Variants in C3orf85 observed in about 807,000 individuals in gnomAD.
The protein encoded by C3orf85 is uncharacterized protein C3orf85.
Under a neutral mutation model 1.7 loss-of-function variants are expected in C3orf85, and 1 was observed. The observed-to-expected ratio is 0.60, with a 90% CI of 0.21 to 2.86. The LOEUF (loss-of-function observed/expected upper bound fraction) is 2.86. Ranked by LOEUF, C3orf85 falls within the 30% of genes most tolerant of loss-of-function variation. The pLI is 0.22. For synonymous variants in C3orf85, 17 were observed against 8.0 expected, an observed-to-expected ratio of 2.13 and a Z score of -1.90; for missense variants, 29 against 21.3, an observed-to-expected ratio of 1.36 and a Z score of -0.72.
At chr3:109,144,391 A>C (rs1036269234) in intron 2 of C3orf85, among the ~76,000 whole-genome samples, 1 of 152,128 alleles carries the variant, frequency 6.6e-6, no homozygotes, top group African/African-American at 2.4e-5. Context: ...CAATTTTCTC[A>C]ATTTGTAAAG....
chr3:109,137,616 T>A, intron 2 of C3orf85, among the ~76,000 whole-genome samples: 1 of 95,986 alleles, frequency 1.0e-5, no homozygotes, highest in African/African-American at 3.5e-5. Context: ...GATAGATGTA[T>A]ATATGTGTGT....
At chr3:109,140,754 G>A (rs1706736214) in intron 2 of C3orf85, among the ~76,000 whole-genome samples, 1 of 152,192 alleles carries the variant, frequency 6.6e-6, no homozygotes, top group Non-Finnish European at 1.5e-5. Flanking sequence ...CCAAAAACAT[G>A]TCCAAGGAAA....
chr3:109,140,381 G>A (rs1706731849), intron 2 of C3orf85, among the ~76,000 whole-genome samples: 1 of 152,138 alleles, frequency 6.6e-6, no homozygotes, highest in Admixed American at 6.5e-5. Context: ...TGAATCCCAG[G>A]TTCCTACACA....
At chr3:109,138,925 A>G (rs1013560885) in intron 2 of C3orf85, among the ~76,000 whole-genome samples, 2 of 152,248 alleles carry the variant, frequency 1.3e-5, no homozygotes, top group African/African-American at 4.8e-5. Flanking sequence ...ATAAAGAAAA[A>G]AAATTTTAAT....
chr3:109,145,074 A>G (rs927087387), intron 2 of C3orf85, among the ~76,000 whole-genome samples: 4 of 147,074 alleles, frequency 2.7e-5, no homozygotes, highest in African/African-American at 1.1e-4. Context: ...TCTTCCTCAA[A>G]TCAATCCTGT....
chr3:109,142,485 T>C (rs1395627272), intron 2 of C3orf85, among the ~76,000 whole-genome samples: 1 of 152,192 alleles, frequency 6.6e-6, no homozygotes, highest in African/African-American at 2.4e-5. Flanking sequence ...TATCAGGTAA[T>C]ACCCCAGATA....
chr3:109,140,152 G>A (rs1049634676), intron 2 of C3orf85, among the ~76,000 whole-genome samples: 9 of 152,030 alleles, frequency 5.9e-5, no homozygotes, highest in African/African-American at 1.9e-4. Context: ...ATACTCTCAA[G>A]AAGATACATA....
intron 2 of C3orf85, among the ~76,000 whole-genome samples, chr3:109,142,122 T>C (rs1359687310): frequency 6.6e-6 from 1 of 152,100 alleles, no homozygotes; most frequent in Non-Finnish European, 1.5e-5. Flanking sequence ...ATCGTATAAC[T>C]CCCCCTACAT....
chr3:109,143,483 G>A (rs1215341027), intron 2 of C3orf85, among the ~76,000 whole-genome samples: 3 of 152,014 alleles, frequency 2.0e-5, no homozygotes, highest in Non-Finnish European at 4.4e-5. Context: ...ATTTTTATCT[G>A]TTTTGTTTTA....
intron 2 of C3orf85, among the ~76,000 whole-genome samples, chr3:109,138,732 A>C (rs962484542): frequency 6.6e-6 from 1 of 152,130 alleles, no homozygotes; most frequent in African/African-American, 2.4e-5. Context: ...AAGTAATTAA[A>C]TTTATGGGCA....
At chr3:109,147,702 A>G (rs1706815600) in intron 2 of C3orf85, among the ~76,000 whole-genome samples, 1 of 152,132 alleles carries the variant, frequency 6.6e-6, no homozygotes, top group African/African-American at 2.4e-5. Context: ...ATCAATGCCA[A>G]CAATTGATCA....
chr3:109,151,188 A>G lies in C3orf85; in HGVS notation c.*1294A>G, dbSNP rs1039829816. Among the ~76,000 whole-genome samples the G allele has an allele frequency of 2.2e-4, 34 of 152,368 alleles. No homozygotes were observed. The highest frequency in any genetic ancestry group is 7.2e-4 in the African/African-American group (30 of 41,594). On this transcript the variant is annotated 3_prime_UTR_variant, in exon 4 of 4. Transcript: ENST00000622536. Reference sequence around the variant, plus strand: ...GAATCATTTAGTTTTGCAGTGGGAAATAAGTTTGAGATTGTACATAAATAT... The same window carrying G: ...GAATCATTTAGTTTTGCAGTGGGAAGTAAGTTTGAGATTGTACATAAATAT...
At chr3:109,148,175 T>C (rs1316686930) in intron 2 of C3orf85, 78 bp from the exon 3 acceptor site, 1 of 636,880 alleles carries the variant, frequency 1.6e-6, no homozygotes, top group Non-Finnish European at 2.8e-6. Context: ...AGATCACAGC[T>C]GGGTCTCTTG....
chr3:109,145,849 A>G (rs1277204890), intron 2 of C3orf85, among the ~76,000 whole-genome samples: 1 of 152,184 alleles, frequency 6.6e-6, no homozygotes, highest in Non-Finnish European at 1.5e-5. Context: ...TCATATTGGT[A>G]AAATGAAAGT....
At chr3:109,145,000 C>T (rs1559969776) in intron 2 of C3orf85, among the ~76,000 whole-genome samples, 1 of 152,034 alleles carries the variant, frequency 6.6e-6, no homozygotes, top group African/African-American at 2.4e-5. Flanking sequence ...CATCTAAAAG[C>T]AAAAAATCAA....
chr3:109,137,637 G>GTGTGTGTATATATATA (rs751674362), intron 2 of C3orf85, among the ~76,000 whole-genome samples: 166 of 79,890 alleles, frequency 2.1e-3, no homozygotes, highest in Non-Finnish European at 3.6e-3. Flanking sequence ...GTGTGTGTGT[G>GTGTGTGTATATATATA]TATATATATA....
chr3:109,137,633 G>GTATATA (rs1377271344), intron 2 of C3orf85, among the ~76,000 whole-genome samples: 4 of 52,464 alleles, frequency 7.6e-5, no homozygotes, highest in African/African-American at 1.8e-4. Context: ...GTGTGTGTGT[G>GTATATA]TGTGTATATA....
chr3:109,140,044 A>C (rs1156914404), intron 2 of C3orf85, among the ~76,000 whole-genome samples: 1 of 152,058 alleles, frequency 6.6e-6, no homozygotes, highest in African/African-American at 2.4e-5. Flanking sequence ...GCAGCCCTCC[A>C]ATTCCTTAGA....
At chr3:109,144,302 A>C (rs1378272181) in intron 2 of C3orf85, among the ~76,000 whole-genome samples, 2 of 152,144 alleles carry the variant, frequency 1.3e-5, no homozygotes, top group African/African-American at 4.8e-5. Context: ...CTGCCCTTCT[A>C]TATTACTTGC....
Sources: allele counts gnomAD v4.1 joint callset (sites outside exome capture counted in the v4.1 genomes callset), GRCh38; gene constraint gnomAD v4.1.1; transcripts MANE v1.5; gene names NCBI Gene and HGNC (gene_info 2026-07-23, HGNC 2026-07-21).